Variants in ELAVL2 observed in about 807,000 individuals in gnomAD.
ELAVL2 encodes the protein ELAV-like protein 2.
A neutral mutation model predicts 34.6 loss-of-function variants in ELAVL2; 4 were observed. The observed-to-expected ratio is 0.12, with a 90% CI of 0.06 to 0.26. The LOEUF (loss-of-function observed/expected upper bound fraction) is 0.26. ELAVL2 is among the 10% of genes least tolerant of loss of function. The probability of loss-of-function intolerance (pLI) is 1.00; values close to 1 mark genes in which losing one functional copy is unlikely to be tolerated. For synonymous variants in ELAVL2, 193 were observed against 154.8 expected (o/e 1.25, Z -1.83); for missense variants, 432 against 442.8 (o/e 0.98, Z 0.22).
chr9:23,724,266 C>A (rs1587732026), intron 3 of ELAVL2, among the ~76,000 whole-genome samples: 1 of 152,174 alleles, frequency 6.6e-6, no homozygotes, highest in Non-Finnish European at 1.5e-5. Flanking sequence ...CCACCAAGAA[C>A]CCTGTTCCTC....
intron 1 of ELAVL2, among the ~76,000 whole-genome samples, chr9:23,801,969 G>A (rs1456590522): frequency 1.3e-5 from 2 of 152,100 alleles, no homozygotes; most frequent in East Asian, 1.9e-4. Context: ...CTAATCTCAC[G>A]ACTAATGCGG....
At chr9:23,831,823 G>C in the ELAVL2 span, among the ~76,000 whole-genome samples, 1 of 152,130 alleles carries the variant, frequency 6.6e-6, no homozygotes, top group South Asian at 2.1e-4. Flanking sequence ...AATGTAGTGG[G>C]AGGGGGCAGT....
chr9:23,779,747 G>A (rs747067306), intron 1 of ELAVL2, among the ~76,000 whole-genome samples: 3 of 151,662 alleles, frequency 2.0e-5, no homozygotes, highest in Admixed American at 6.6e-5. Context: ...TTCACAGCGC[G>A]GAAAGTTTCT....
At chr9:23,699,492 T>C (rs1404932356) in intron 5 of ELAVL2, among the ~76,000 whole-genome samples, 1 of 152,126 alleles carries the variant, frequency 6.6e-6, no homozygotes, top group African/African-American at 2.4e-5. Context: ...AATCAACCAA[T>C]ACATTATGAA....
Position 23,762,257 on chromosome 9 carries a change from C to T in ELAVL2, c.-15-8G>A. The T allele has an allele frequency of 6.2e-7, 1 of 1,611,892 alleles. No individual in the cohort carries two copies. The highest frequency in any genetic ancestry group is 8.5e-7 in the Non-Finnish European group (1 of 1,178,644). The stretch of plus-strand genomic sequence containing the variant: ...CATGGCAGCAATTACCTGCTAAAAA[C>T]AGAGAAAACAAGAAATGTCAGAATT... On this transcript the variant is annotated splice_region_variant and splice_polypyrimidine_tract_variant and intron_variant, in intron 1 of 6. Coordinates refer to ENST00000397312, the MANE Select transcript of ELAVL2 (RefSeq NM_004432.5).
chr9:23,700,290 A>T (rs1342599157), intron 5 of ELAVL2, among the ~76,000 whole-genome samples: 4 of 152,212 alleles, frequency 2.6e-5, no homozygotes, highest in Non-Finnish European at 5.9e-5. Flanking sequence ...AAGGATATTT[A>T]AAAATGTCCT....
intron 3 of ELAVL2, among the ~76,000 whole-genome samples, chr9:23,713,204 T>C (rs2133767630): frequency 6.6e-6 from 1 of 152,328 alleles, no homozygotes; most frequent in South Asian, 2.1e-4. Context: ...CTCATACTGG[T>C]AAAGGCAAAT....
At chr9:23,719,400 G>C (rs1244491965) in intron 3 of ELAVL2, among the ~76,000 whole-genome samples, 1 of 152,138 alleles carries the variant, frequency 6.6e-6, no homozygotes, top group Non-Finnish European at 1.5e-5. Flanking sequence ...ATCTGACTTT[G>C]TGCACCAGGA....
At chr9:23,693,601 G>C in intron 5 of ELAVL2, 115 bp from the exon 6 acceptor site, 1 of 1,237,142 alleles carries the variant, frequency 8.1e-7, no homozygotes, top group Non-Finnish European at 1.2e-6. Flanking sequence ...GATTATATGT[G>C]AAGACTCAGA....
intron 1 of ELAVL2, among the ~76,000 whole-genome samples, chr9:23,817,791 A>AC (rs2063926887): frequency 6.6e-6 from 1 of 152,164 alleles, no homozygotes; most frequent in Non-Finnish European, 1.5e-5. Context: ...TGTCCTAAGT[A>AC]CCCCACAAAA....
intron 1 of ELAVL2, among the ~76,000 whole-genome samples, chr9:23,804,045 C>T (rs1382987996): frequency 1.3e-5 from 2 of 152,008 alleles, no homozygotes; most frequent in Non-Finnish European, 2.9e-5. Context: ...CTCTGAAAAG[C>T]CCAAGGGGGA....
At chr9:23,829,730 T>G (rs7870728), upstream of ELAVL2, 46,802 of 152,074 alleles carry the variant, frequency 0.31, 7,743 homozygotes, top group Middle Eastern at 0.41. Flanking sequence ...GACACCAGTG[T>G]GAATTTATAC....
chr9:23,805,193 G>T (rs1181877503), intron 1 of ELAVL2, among the ~76,000 whole-genome samples: 4 of 152,074 alleles, frequency 2.6e-5, no homozygotes, highest in Non-Finnish European at 5.9e-5. Flanking sequence ...TAATCATTTG[G>T]GGATTTTCCT....
At chr9:23,813,336 G>A (rs1293048809) in intron 1 of ELAVL2, among the ~76,000 whole-genome samples, 1 of 150,546 alleles carries the variant, frequency 6.6e-6, no homozygotes, top group East Asian at 1.9e-4. Flanking sequence ...AAAGGCTGAA[G>A]ACTGAAAAAA....
At chr9:23,744,383 C>T (rs2050008110) in intron 2 of ELAVL2, among the ~76,000 whole-genome samples, 1 of 152,220 alleles carries the variant, frequency 6.6e-6, no homozygotes, top group African/African-American at 2.4e-5. Context: ...TATTCAATAG[C>T]CTATGCTGTC....
At chr9:23,833,747 A>G in the ELAVL2 span, among the ~76,000 whole-genome samples, 3 of 151,982 alleles carry the variant, frequency 2.0e-5, no homozygotes, top group African/African-American at 7.2e-5. Context: ...ATGATTTTCA[A>G]TTATTAATCC....
intron 1 of ELAVL2, among the ~76,000 whole-genome samples, chr9:23,794,250 G>A (rs987156831): frequency 6.6e-6 from 1 of 152,162 alleles, no homozygotes; most frequent in African/African-American, 2.4e-5. Context: ...ATCAGGGCCT[G>A]GAATCAAAAG....
chr9:23,742,220 A>G (rs2049378476), intron 2 of ELAVL2, among the ~76,000 whole-genome samples: 1 of 152,082 alleles, frequency 6.6e-6, no homozygotes, highest in South Asian at 2.1e-4. Flanking sequence ...AGGGCTTACG[A>G]TTTTCTGAGA....
intron 2 of ELAVL2, among the ~76,000 whole-genome samples, chr9:23,755,027 C>G (rs2053196980): frequency 6.6e-6 from 1 of 152,146 alleles, no homozygotes; most frequent in Non-Finnish European, 1.5e-5. Context: ...TTTCTGAACG[C>G]TTCCCCATGA....
Sources: gnomAD v4.1 joint callset for allele counts (sites outside exome capture counted in the v4.1 genomes callset) on GRCh38, gnomAD v4.1.1 for gene constraint, MANE v1.5 for transcripts, NCBI Gene and HGNC (gene_info 2026-07-23, HGNC 2026-07-21) for gene names.